The following GRIN2B variants were observed in gnomAD, a reference collection of about 807,000 sequenced individuals.
The protein encoded by GRIN2B is glutamate receptor ionotropic, NMDA 2B.
GRIN2B carries 5 observed loss-of-function variants against 114.5 expected under a neutral mutation model. The observed-to-expected ratio is 0.04, with a 90% CI of 0.02 to 0.09. The LOEUF (loss-of-function observed/expected upper bound fraction) is 0.09. Ranked by LOEUF, GRIN2B falls within the 10% of genes least tolerant of loss-of-function variation. GRIN2B has a pLI of 1.00. For missense variants in GRIN2B, 1,108 were observed against 1,943.5 expected (o/e 0.57, Z 8.08); for synonymous variants, 787 against 745.1 (o/e 1.06, Z -0.92).
chr12:13,954,564 C>T lies in GRIN2B; in HGVS notation c.-19+25364G>A, dbSNP rs141866807. Among the ~76,000 whole-genome samples the T allele has an allele frequency of 2.8e-3, 427 of 152,084 alleles. 5 individuals are homozygous for T. The highest frequency in any genetic ancestry group is 8.8e-3 in the South Asian group (42 of 4,796). On this transcript the variant is annotated intron_variant, in intron 2 of 13. Transcript: ENST00000609686. The stretch of plus-strand genomic sequence containing the variant: ...ATATGAAAGTACTGTAATCCCAGCA[C>T]TTTGGGAGGCCGAGGCGGGTGGATC...
At chr12:13,767,258 C>CAAAAA (rs34462939) in intron 3 of GRIN2B, among the ~76,000 whole-genome samples, 58 of 97,646 alleles carry the variant, frequency 5.9e-4, no homozygotes, top group African/African-American at 9.6e-4. Context: ...GACTCTGTCT[C>CAAAAA]AAAAAAAAAA....
At chr12:13,668,302 GA>G (rs1949995755) in intron 5 of GRIN2B, among the ~76,000 whole-genome samples, 1 of 152,176 alleles carries the variant, frequency 6.6e-6, no homozygotes, top group South Asian at 2.1e-4. Context: ...ACAAGCACTG[GA>G]AGGCAACCAG....
chr12:13,849,316 G>T (rs1416968214), intron 3 of GRIN2B, among the ~76,000 whole-genome samples: 1 of 152,030 alleles, frequency 6.6e-6, no homozygotes, highest in Non-Finnish European at 1.5e-5. Context: ...TTATATGAGT[G>T]TAACTGGACC....
intron 2 of GRIN2B, among the ~76,000 whole-genome samples, chr12:13,976,935 C>T (rs1863030932): frequency 6.6e-6 from 1 of 152,134 alleles, no homozygotes; most frequent in African/African-American, 2.4e-5. Context: ...TTGCCCACCT[C>T]CCAGGTGCCC....
intron 2 of GRIN2B, among the ~76,000 whole-genome samples, chr12:13,979,527 T>TG (rs1399011408): frequency 9.3e-6 from 1 of 107,580 alleles, no homozygotes; most frequent in African/African-American, 4.0e-5. Context: ...AAAGCCAACC[T>TG]GAAAAAAAAA....
chr12:13,951,176 C>A (rs1294140002), intron 2 of GRIN2B, among the ~76,000 whole-genome samples: 1 of 152,092 alleles, frequency 6.6e-6, no homozygotes, highest in African/African-American at 2.4e-5. Flanking sequence ...AAACATACTT[C>A]TACTAAAAAA....
rs140539784 is a variant in GRIN2B at position 13,647,905 on chromosome 12, G to C, written c.1125+27840C>G. Among the ~76,000 whole-genome samples, 1,044 of 152,230 alleles carry C rather than the reference G, an allele frequency of 6.9e-3. 5 individuals are homozygous for C. Among genetic ancestry groups the C allele is most frequent in the Middle Eastern group, 0.024 (7 of 294 alleles). On this transcript the variant is annotated intron_variant, in intron 5 of 13. Transcript: ENST00000609686. Reference sequence around the variant, plus strand: ...CTTCTCCTCAATACTATTGGTTTCAGTTGGATGAAAGGACGCTGGCAGTGG... The same window carrying C: ...CTTCTCCTCAATACTATTGGTTTCACTTGGATGAAAGGACGCTGGCAGTGG...
chr12:13,906,834 ATAATG>A (rs779158739), intron 2 of GRIN2B, among the ~76,000 whole-genome samples: 4 of 152,242 alleles, frequency 2.6e-5, no homozygotes, highest in Non-Finnish European at 5.9e-5. Flanking sequence ...AGTATTTAAT[ATAATG>A]TAATTTATAA....
At chr12:13,891,334 C>A (rs886789427) in intron 2 of GRIN2B, among the ~76,000 whole-genome samples, 8 of 152,046 alleles carry the variant, frequency 5.3e-5, no homozygotes, top group Admixed American at 4.6e-4. Flanking sequence ...TGTTCTCCCC[C>A]TCCTCCCTTC....
rs528107077 is a variant in GRIN2B, at chr12:13,695,515, T to C, written c.1011-19656A>G. Among the ~76,000 whole-genome samples, 33 of 152,172 alleles carry C rather than the reference T, an allele frequency of 2.2e-4. No homozygotes were observed. In the South Asian group the frequency reaches 4.6e-3, roughly 21 times the overall value. On this transcript the variant is annotated intron_variant, in intron 4 of 13. Transcript: ENST00000609686. ...GTCTACTTGGCAAAGAAGAGAAGAA[T>C]GGAGAGTCCAGAGAGTGTGTCAGGT...
intron 5 of GRIN2B, among the ~76,000 whole-genome samples, chr12:13,635,375 G>T (rs912513165): frequency 2.0e-5 from 3 of 152,090 alleles, no homozygotes; most frequent in Non-Finnish European, 4.4e-5. Flanking sequence ...GTGAAGAATG[G>T]ATACTTATCT....
At chr12:13,583,019 G>T (rs1948872805) in intron 10 of GRIN2B, among the ~76,000 whole-genome samples, 1 of 152,150 alleles carries the variant, frequency 6.6e-6, no homozygotes, top group South Asian at 2.1e-4. Context: ...AGTTAGCAGA[G>T]CCAAGAAAGT....
rs183485419 is a variant in GRIN2B, at chr12:13,616,895, G to T, written c.1126-238C>A. ...CACTCACTTACCAAACATTAAATGAGGACCTACTATGTGCTGGCACCCTGT... is the reference window on the plus strand; with the variant it reads ...CACTCACTTACCAAACATTAAATGATGACCTACTATGTGCTGGCACCCTGT... On this transcript the variant is annotated intron_variant, in intron 5 of 13. Coordinates refer to ENST00000609686, the MANE Select transcript of GRIN2B (RefSeq NM_000834.5). 2.0e-5 allele frequency among the ~76,000 whole-genome samples: 3 copies of T among 152,324 alleles called. 1 individual carries two copies. Among genetic ancestry groups the T allele is most frequent in the Admixed American group, 2.0e-4 (3 of 15,306 alleles).
chr12:13,888,569 A>G (rs1447787023), intron 2 of GRIN2B, among the ~76,000 whole-genome samples: 2 of 151,868 alleles, frequency 1.3e-5, no homozygotes, highest in Non-Finnish European at 2.9e-5. Context: ...ACCCGTCTCT[A>G]CTAAAAATAC....
At chr12:13,962,586 CA>C (rs1591643324) in intron 2 of GRIN2B, among the ~76,000 whole-genome samples, 1 of 152,174 alleles carries the variant, frequency 6.6e-6, no homozygotes, top group East Asian at 1.9e-4. Flanking sequence ...AATTCCTTTC[CA>C]AAATGTCTGT....
intron 10 of GRIN2B, among the ~76,000 whole-genome samples, chr12:13,593,872 C>T (rs1284651407): frequency 3.9e-5 from 6 of 152,128 alleles, no homozygotes; most frequent in African/African-American, 1.4e-4. Context: ...AGGATATGAA[C>T]AGACACTTAT....
chr12:13,887,569 A>G (rs1433477103), intron 2 of GRIN2B, among the ~76,000 whole-genome samples: 1 of 152,250 alleles, frequency 6.6e-6, no homozygotes, highest in Non-Finnish European at 1.5e-5. Flanking sequence ...AATAAAAAGA[A>G]ATCTAAACTT....
chr12:13,855,670 T>C (rs1204857933), intron 3 of GRIN2B, among the ~76,000 whole-genome samples: 4 of 152,176 alleles, frequency 2.6e-5, no homozygotes, highest in Non-Finnish European at 1.5e-5. Context: ...TCCTCTTCTG[T>C]GTCTTATAAG....
intron 3 of GRIN2B, among the ~76,000 whole-genome samples, chr12:13,864,192 C>G (rs111841938): frequency 2.6e-5 from 4 of 152,338 alleles, no homozygotes; most frequent in African/African-American, 9.6e-5. Context: ...AATGTCTTCA[C>G]TTAACACTTT....
Sources: gnomAD v4.1 joint callset for allele counts (sites outside exome capture counted in the v4.1 genomes callset) on GRCh38, gnomAD v4.1.1 for gene constraint, MANE v1.5 for transcripts, NCBI Gene and HGNC (gene_info 2026-07-23, HGNC 2026-07-21) for gene names.